The following RFX3 variants were observed in gnomAD, a reference collection of about 807,000 sequenced individuals.
The protein encoded by RFX3 is regulatory factor X3.
RFX3 carries 14 observed loss-of-function variants against 98.6 expected under a neutral mutation model. The ratio of observed to expected loss-of-function variants is 0.14; its 90% confidence interval spans 0.09 to 0.22. RFX3 has a LOEUF of 0.22. Ranked by LOEUF, RFX3 falls within the 10% of genes least tolerant of loss-of-function variation. The pLI is 1.00. For missense variants in RFX3, 639 were observed against 926.9 expected (o/e 0.69, Z 4.03); for synonymous variants, 383 against 328.4 (o/e 1.17, Z -1.80).
intron 1 of RFX3, among the ~76,000 whole-genome samples, chr9:3,508,070 C>G (rs534235735): frequency 6.6e-6 from 1 of 152,056 alleles, no homozygotes; most frequent in South Asian, 2.1e-4. Context: ...AAGATTCTGA[C>G]AGAGGGAAAC....
At chr9:3,299,148 C>T (rs1828343344) in intron 5 of RFX3, among the ~76,000 whole-genome samples, 1 of 151,566 alleles carries the variant, frequency 6.6e-6, no homozygotes, top group African/African-American at 2.4e-5. Flanking sequence ...AAAATATTAA[C>T]AACAATTTTT....
intron 1 of RFX3, among the ~76,000 whole-genome samples, chr9:3,521,137 G>A (rs1446803337): frequency 6.6e-6 from 1 of 152,054 alleles, no homozygotes; most frequent in Admixed American, 6.6e-5. Flanking sequence ...ATTGATATGT[G>A]CTAATCATAT....
chr9:3,288,403 A>C (rs1826919500), intron 6 of RFX3, among the ~76,000 whole-genome samples, 153 bp from the exon 7 acceptor site: 1 of 152,076 alleles, frequency 6.6e-6, no homozygotes, highest in African/African-American at 2.4e-5. Flanking sequence ...GAATACTTTT[A>C]TGTTTTTATG....
intron 1 of RFX3, among the ~76,000 whole-genome samples, chr9:3,494,414 C>T (rs924864726): frequency 2.0e-5 from 3 of 152,056 alleles, no homozygotes; most frequent in South Asian, 2.1e-4. Context: ...CTCTTTCCCT[C>T]CCCACCAAAA....
intron 4 of RFX3, among the ~76,000 whole-genome samples, chr9:3,314,357 GA>G (rs779415449): frequency 4.1e-4 from 62 of 152,272 alleles, no homozygotes; most frequent in Non-Finnish European, 7.1e-4. Context: ...TGCCTTACAA[GA>G]GCTGCTGAAG....
At chr9:3,460,666 ACT>A (rs1847603619) in intron 1 of RFX3, among the ~76,000 whole-genome samples, 1 of 151,796 alleles carries the variant, frequency 6.6e-6, no homozygotes, top group Non-Finnish European at 1.5e-5. Context: ...GATTTCATAG[ACT>A]CTCAGAGCTA....
In RFX3 at chr9:3,323,393, C is replaced by T. The variant is rs115889953; in HGVS notation, c.474+6866G>A. Among the ~76,000 whole-genome samples the T allele has an allele frequency of 7.7e-3, 1,176 of 152,242 alleles. 9 individuals carry two copies. Among genetic ancestry groups the T allele is most frequent in the African/African-American group, 0.027 (1,113 of 41,554 alleles). On this transcript the variant is annotated intron_variant, in intron 4 of 16. Transcript: ENST00000617270. The stretch of plus-strand genomic sequence containing the variant: ...ATTAATATTTTAATCTGTAGCAATG[C>T]ATTTCATATTTTATCTGGATTATCT...
chr9:3,405,964 T>G (rs1270905768), intron 1 of RFX3, among the ~76,000 whole-genome samples: 1 of 150,366 alleles, frequency 6.7e-6, no homozygotes. Flanking sequence ...TCTTGTTTTG[T>G]TTTTTTTTGA....
chr9:3,246,298 A>G (rs1820663300), intron 15 of RFX3, among the ~76,000 whole-genome samples: 1 of 152,232 alleles, frequency 6.6e-6, no homozygotes, highest in South Asian at 2.1e-4. Flanking sequence ...TAGTAAAAAA[A>G]AAAAGAATAA....
At chr9:3,463,917 G>A (rs1847958441) in intron 1 of RFX3, among the ~76,000 whole-genome samples, 1 of 152,082 alleles carries the variant, frequency 6.6e-6, no homozygotes, top group Admixed American at 6.6e-5. Context: ...AGGCTGCAGG[G>A]AGCTGTGATC....
chr9:3,469,030 T>C, intron 1 of RFX3: 1 of 338,032 alleles, frequency 3.0e-6, no homozygotes, highest in Non-Finnish European at 5.9e-6. Context: ...AGCCAAAATT[T>C]AGAAAAATGC....
At chr9:3,426,374 T>A (rs970300469) in intron 1 of RFX3, among the ~76,000 whole-genome samples, 3 of 151,906 alleles carry the variant, frequency 2.0e-5, no homozygotes, top group Admixed American at 6.6e-5. Flanking sequence ...CTTCTGGCTA[T>A]CTGAAACTAT....
intron 1 of RFX3, among the ~76,000 whole-genome samples, chr9:3,486,600 A>C (rs1262493195): frequency 6.6e-6 from 1 of 152,196 alleles, no homozygotes; most frequent in Non-Finnish European, 1.5e-5. Context: ...CAGAGTGTTT[A>C]GTTTAGTACT....
chr9:3,397,248 A>T (rs1430893175), intron 1 of RFX3, among the ~76,000 whole-genome samples: 2 of 152,212 alleles, frequency 1.3e-5, no homozygotes, highest in African/African-American at 4.8e-5. Flanking sequence ...AAGAAATATG[A>T]ATTTCCTTGC....
chr9:3,236,496 C>G (rs1328467084), intron 15 of RFX3, among the ~76,000 whole-genome samples: 1 of 152,172 alleles, frequency 6.6e-6, no homozygotes, highest in African/African-American at 2.4e-5. Context: ...GTTTCATGAG[C>G]ACCAACCCAT....
intron 15 of RFX3, among the ~76,000 whole-genome samples, chr9:3,229,857 G>C (rs1380393252): frequency 1.3e-5 from 2 of 152,086 alleles, no homozygotes; most frequent in Non-Finnish European, 2.9e-5. Flanking sequence ...TACAAGGTTT[G>C]TCTATAAAGT....
At chr9:3,332,282 C>A (rs1238472141) in intron 3 of RFX3, among the ~76,000 whole-genome samples, 1 of 151,812 alleles carries the variant, frequency 6.6e-6, no homozygotes. Context: ...GGGATAGGAC[C>A]CATATCTAAA....
intron 1 of RFX3, among the ~76,000 whole-genome samples, chr9:3,450,792 A>C (rs79613212): frequency 0.028 from 4,207 of 152,306 alleles, 73 homozygotes; most frequent in South Asian, 0.046. Context: ...GAATTCTTAG[A>C]ATTTTCCCTT....
chr9:3,245,516 G>A lies in RFX3; in HGVS notation c.1968+2516C>T, dbSNP rs532596272. Reference sequence around the variant, plus strand: ...AGTCAGCTTTGCATTTTCACAAGACGATACTGACTGCACTCTGAGGGATTT... The same window carrying A: ...AGTCAGCTTTGCATTTTCACAAGACAATACTGACTGCACTCTGAGGGATTT... On this transcript the variant is annotated intron_variant, in intron 15 of 16. Coordinates refer to ENST00000617270, the MANE Select transcript of RFX3 (RefSeq NM_001282116.2). Among the ~76,000 whole-genome samples, 297 of 152,240 alleles carry A rather than the reference G, an allele frequency of 2.0e-3. 2 individuals carry two copies. The highest frequency in any genetic ancestry group is 2.5e-3 in the Non-Finnish European group (172 of 68,014).
Sources: gnomAD v4.1 joint callset for allele counts (sites outside exome capture counted in the v4.1 genomes callset) on GRCh38, gnomAD v4.1.1 for gene constraint, MANE v1.5 for transcripts, NCBI Gene and HGNC (gene_info 2026-07-23, HGNC 2026-07-21) for gene names.